VPS37D: variants seen among roughly 807,000 people sequenced by gnomAD.
VPS37D encodes vacuolar protein sorting-associated protein 37D.
Under a neutral mutation model 22.0 loss-of-function variants are expected in VPS37D, and 5 were observed. The ratio of observed to expected loss-of-function variants is 0.23; its 90% confidence interval spans 0.12 to 0.48. The LOEUF (loss-of-function observed/expected upper bound fraction) is 0.48. Ranked by LOEUF, VPS37D falls within the 20% of genes least tolerant of loss-of-function variation. The pLI, the probability that VPS37D is intolerant of heterozygous loss-of-function variation, is 0.99. For missense variants in VPS37D, 384 were observed against 345.8 expected (o/e 1.11, Z -0.88); for synonymous variants, 174 against 159.3 (o/e 1.09, Z -0.69).
At position 73,671,177 on chromosome 7, in the gene VPS37D, C is replaced by G. The variant is rs782001275; in HGVS notation, c.557C>G (p.Ala186Gly). 1 of 1,603,864 alleles carries G rather than the reference C, an allele frequency of 6.2e-7. No individual in the cohort carries two copies. Among genetic ancestry groups the G allele is most frequent in the Admixed American group, 1.7e-5 (1 of 59,488 alleles). ...TCTGCCCAGCCGGCCCCCACCTCGG[C>G]TGCTGATCCCCCCAAATCCTTCCCG... is the stretch of plus-strand genomic sequence containing the variant. Reference protein sequence around the residue: ...ERSAQPAPTSAADPPKSFPAA... With the variant: ...ERSAQPAPTSGADPPKSFPAA... The change falls in exon 4 of 4, where the codon GCT becomes GGT. Residue 186 changes from alanine (A) to glycine (G), a missense_variant. Physicochemically the swap from Ala to Gly is moderately conservative, Grantham distance 60. Transcript: ENST00000324941.
At chr7:73,667,569 C>A (rs1336663070), upstream of VPS37D, among the ~76,000 whole-genome samples, 1 of 152,204 alleles carries the variant, frequency 6.6e-6, no homozygotes, top group Non-Finnish European at 1.5e-5. Context: ...AAAACGTGCA[C>A]GGGCTCTGCA....
chr7:73,668,681 G>C (rs533703403), intron 1 of VPS37D, among the ~76,000 whole-genome samples: 1 of 152,110 alleles, frequency 6.6e-6, no homozygotes, highest in African/African-American at 2.4e-5. Flanking sequence ...AGGCAGGCGA[G>C]GAGGGGCTTG....
chr7:73,667,636 C>G (rs1797404992), upstream of VPS37D, among the ~76,000 whole-genome samples: 1 of 151,930 alleles, frequency 6.6e-6, no homozygotes, highest in East Asian at 1.9e-4. Flanking sequence ...GAGCCAGGGC[C>G]GGTGCTGGGG....
upstream of VPS37D, among the ~76,000 whole-genome samples, chr7:73,666,449 G>A (rs1554608651): frequency 1.3e-5 from 2 of 151,780 alleles, no homozygotes; most frequent in African/African-American, 2.4e-5. Flanking sequence ...TGTTTGAGAC[G>A]GAGCACGGAG....
Position 73,667,848 on chromosome 7 carries a change from CGGAGCCGGAGCGGATCCT to C in VPS37D, c.-96_-79del, listed in dbSNP as rs1338636104. Reference sequence around the variant, plus strand: ...CTGGCGGCGGAGCGGTGCGTGCGGCCGGAGCCGGAGCGGATCCTGGAGCCGGAGCGGAGCGGAGCGGAG... The same window carrying C: ...CTGGCGGCGGAGCGGTGCGTGCGGCCGGAGCCGGAGCGGAGCGGAGCGGAG... On this transcript the variant is annotated 5_prime_UTR_variant, in exon 1 of 4. Transcript: ENST00000324941. 8 of 274,486 alleles carry C rather than the reference CGGAGCCGGAGCGGATCCT, an allele frequency of 2.9e-5. No individual in the cohort carries two copies. Among genetic ancestry groups the C allele is most frequent in the Admixed American group, 6.4e-5 (1 of 15,662 alleles). The allele number at this position is 274,486 out of a possible 1,614,324, so 17.0% of individuals were successfully genotyped here.
chr7:73,669,072 G>C (rs1459359401), intron 1 of VPS37D, among the ~76,000 whole-genome samples: 1 of 152,104 alleles, frequency 6.6e-6, no homozygotes, highest in Non-Finnish European at 1.5e-5. Context: ...GCACTCCTCC[G>C]GGACCTGAGC....
intron 1 of VPS37D, 140 bp downstream of exon 1, chr7:73,668,236 G>A: frequency 2.4e-6 from 1 of 417,706 alleles, no homozygotes; most frequent in Non-Finnish European, 3.3e-6. Flanking sequence ...TGGGCCCCGC[G>A]GAGCCACCCC....
intron 1 of VPS37D, 37 bp from the exon 2 acceptor site, chr7:73,669,382 C>T (rs1270714453): frequency 5.3e-6 from 8 of 1,518,328 alleles, no homozygotes; most frequent in Non-Finnish European, 7.1e-6. Flanking sequence ...CAGGGCAGAT[C>T]CCCTGAGCGG....
upstream of VPS37D, among the ~76,000 whole-genome samples, chr7:73,666,569 C>T (rs1373801986): frequency 6.6e-6 from 1 of 152,030 alleles, no homozygotes; most frequent in African/African-American, 2.4e-5. Context: ...GCTGGAATTA[C>T]AGGCGCCCAC....
chr7:73,669,948 C>T, intron 2 of VPS37D, 72 bp from the exon 3 acceptor site: 1 of 1,548,996 alleles, frequency 6.5e-7, no homozygotes, highest in Admixed American at 2.0e-5. Context: ...TATAGAATCA[C>T]ATGGGGTCAG....
Position 73,671,207 on chromosome 7 carries a change from C to A in VPS37D, c.587C>A (p.Ala196Glu). ...GATCCCCCCAAATCCTTCCCGGCTG[C>A]AGCTGTCCTGCCCACTGGGGCCGCC... Reference protein sequence around the residue: ...AADPPKSFPAAAVLPTGAARG... With the variant: ...AADPPKSFPAEAVLPTGAARG... Residue 196 changes from alanine to glutamate, a missense_variant, in exon 4 of 4, where the codon GCA becomes GAA. Transcript: ENST00000324941. The A allele has an allele frequency of 6.3e-7, 1 of 1,589,162 alleles. No homozygotes were observed. Among genetic ancestry groups the A allele is most frequent in the South Asian group, 1.1e-5 (1 of 89,056 alleles).
At chr7:73,668,601 A>G (rs568845664) in intron 1 of VPS37D, among the ~76,000 whole-genome samples, 3 of 151,548 alleles carry the variant, frequency 2.0e-5, no homozygotes, top group Admixed American at 6.6e-5. Context: ...AGAAAGTTGT[A>G]TATTTCACGG....
chr7:73,668,047 T>A lies in VPS37D; in HGVS notation c.89T>A (p.Leu30Gln). 1 of 1,166,006 alleles carries A rather than the reference T, an allele frequency of 8.6e-7. No individual in the cohort carries two copies. Among genetic ancestry groups the A allele is most frequent in the African/African-American group, 1.7e-5 (1 of 60,172 alleles). The allele number at this position is 1,166,006 out of a possible 1,614,324, so 72.2% of individuals were successfully genotyped here. The change falls in exon 1 of 4, where the codon CTG becomes CAG. Residue 30 changes from leucine (L) to glutamine (Q), a missense_variant. Physicochemically the swap from Leu to Gln is moderately radical, Grantham distance 113. Coordinates refer to ENST00000324941, the MANE Select transcript of VPS37D (RefSeq NM_001077621.2). ...CTCAGCACCGGGCAGCTCCGGGACC[T>A]GCTTCAGGATGAGCCCAAGCTGGAC... ...GILSTGQLRDLLQDEPKLDRI... is the reference protein window; with the variant it reads ...GILSTGQLRDQLQDEPKLDRI...
chr7:73,668,078 C>T lies in VPS37D; in HGVS notation c.120C>T (p.Ile40=), dbSNP rs781791854. The change falls in exon 1 of 4, where the codon ATC becomes ATT. Residue 40 remains isoleucine, a synonymous_variant. Coordinates refer to ENST00000324941, the MANE Select transcript of VPS37D (RefSeq NM_001077621.2). The stretch of plus-strand genomic sequence containing the variant: ...AGGATGAGCCCAAGCTGGACCGGAT[C>T]GTGCGGCTCAGCAGGAAGGTAGCGC... ...LLQDEPKLDR[I]VRLSRKFQGL... 1 of 1,124,828 alleles carries T rather than the reference C, an allele frequency of 8.9e-7. No individual in the cohort carries two copies. 69.7% of individuals were successfully genotyped at this position (1,124,828 alleles called of 1,614,324 possible).
At position 73,670,254 on chromosome 7, in the gene VPS37D, C is replaced by T. The variant is rs1231095283; in HGVS notation, c.393+152C>T. The T allele has an allele frequency of 8.3e-6, 11 of 1,328,076 alleles. No homozygotes were observed. The East Asian group carries it at 2.8e-4, about 33-fold the overall frequency. The allele number at this position is 1,328,076 out of a possible 1,614,324, so 82.3% of individuals were successfully genotyped here. A position where few individuals can be genotyped will look rare whatever the true frequency, so the allele number is the denominator to read the frequency against. On this transcript the variant is annotated intron_variant, in intron 3 of 3. Transcript: ENST00000324941. Reference sequence around the variant, plus strand: ...CATGCCAGAGCCTAGCATTGCTGTCCACCAGCACTGGACAGCCAGCAGGGC... The same window carrying T: ...CATGCCAGAGCCTAGCATTGCTGTCTACCAGCACTGGACAGCCAGCAGGGC...
In VPS37D at chr7:73,671,461, G is replaced by T. The variant is rs933609453; in HGVS notation, c.*85G>T. The T allele has an allele frequency of 3.2e-6, 2 of 622,426 alleles. No homozygotes were observed. Among genetic ancestry groups the T allele is most frequent in the Admixed American group, 8.4e-5 (2 of 23,774 alleles). 38.6% of individuals were successfully genotyped at this position (622,426 alleles called of 1,614,324 possible). ...TCCTCCCCCACTGCCTGGGTGGGGG[G>T]AGGGGCAGGCCCCTCCCCCTGGCCT... is the stretch of plus-strand genomic sequence containing the variant. On this transcript the variant is annotated 3_prime_UTR_variant, in exon 4 of 4. Transcript: ENST00000324941.
At chr7:73,669,624 G>A in intron 2 of VPS37D, 34 bp downstream of exon 2, 1 of 1,558,086 alleles carries the variant, frequency 6.4e-7, no homozygotes, top group Non-Finnish European at 8.7e-7. Flanking sequence ...CCCTGGGGCT[G>A]GTGGGGGCAG....
rs1240718584 is a variant in VPS37D at position 73,671,529 on chromosome 7, C to A, written c.*153C>A. 4 of 389,052 alleles carry A rather than the reference C, an allele frequency of 1.0e-5. No homozygotes were observed. Among genetic ancestry groups the A allele is most frequent in the Non-Finnish European group, 1.8e-5 (4 of 220,184 alleles). The allele number at this position is 389,052 out of a possible 1,614,324, so 24.1% of individuals were successfully genotyped here. A position where few individuals can be genotyped will look rare whatever the true frequency, so the allele number is the denominator to read the frequency against. ...TGGAGGCTGAGCTGGGGAGGAGGGT[C>A]CCCTGGAAGAGGCCCGAGAGGGGGC... On this transcript the variant is annotated 3_prime_UTR_variant, in exon 4 of 4. Transcript: ENST00000324941.
upstream of VPS37D, among the ~76,000 whole-genome samples, chr7:73,665,832 T>G (rs1554608541): frequency 6.6e-6 from 1 of 152,130 alleles, no homozygotes; most frequent in Non-Finnish European, 1.5e-5. Context: ...AGCAGTGTAT[T>G]AAGGTGGAAC....
Sources: allele counts gnomAD v4.1 joint callset (sites outside exome capture counted in the v4.1 genomes callset), GRCh38; gene constraint gnomAD v4.1.1; transcripts MANE v1.5; gene names NCBI Gene and HGNC (gene_info 2026-07-23, HGNC 2026-07-21).